Variants in RHD observed in about 807,000 individuals in gnomAD.
RHD encodes the protein blood group Rh(D) polypeptide.
Under a neutral mutation model 45.5 loss-of-function variants are expected in RHD, and 16 were observed. The observed-to-expected ratio is 0.35, with a 90% CI of 0.24 to 0.53. The LOEUF (loss-of-function observed/expected upper bound fraction) is 0.53. Among genes scored for constraint, RHD ranks in the 20% least tolerant of loss-of-function variants. The probability of loss-of-function intolerance (pLI) is 0.92; values close to 1 mark genes in which losing one functional copy is unlikely to be tolerated. For missense variants in RHD, 306 were observed against 532.0 expected (o/e 0.58, Z 4.18); for synonymous variants, 131 against 217.5 (o/e 0.60, Z 3.50).
chr1:25,306,217 G>C (rs1040443625), intron 6 of RHD, among the ~76,000 whole-genome samples: 1 of 131,620 alleles, frequency 7.6e-6, no homozygotes, highest in Admixed American at 7.4e-5. Context: ...CGTGGGGAGA[G>C]ACCAGGGATG....
chr1:25,306,748 C>T lies in RHD; in HGVS notation c.1073+19C>T, dbSNP rs1234125651. 3 of 1,374,238 alleles carry T rather than the reference C, an allele frequency of 2.2e-6. 1 individual carries two copies. The highest frequency in any genetic ancestry group is 3.1e-6 in the Non-Finnish European group (3 of 976,044). 85.1% of individuals were successfully genotyped at this position (1,374,238 alleles called of 1,614,324 possible). ...ATGGCATGTGGGTCACTGGGCTTACCCCCCATCCCCTTAACACTCCCCTCC... is the reference window on the plus strand; with the variant it reads ...ATGGCATGTGGGTCACTGGGCTTACTCCCCATCCCCTTAACACTCCCCTCC... On this transcript the variant is annotated intron_variant, in intron 7 of 9. Coordinates refer to ENST00000328664, the MANE Select transcript of RHD (RefSeq NM_016124.6).
rs1372033324 is a variant in RHD, at chr1:25,310,959, G to A, written c.1073+4230G>A. On this transcript the variant is annotated intron_variant, in intron 7 of 9. Coordinates refer to ENST00000328664, the MANE Select transcript of RHD (RefSeq NM_016124.6). Reference sequence around the variant, plus strand: ...TTGCACTCCAGCTTGGGCAACAAGAGCAAAACTCCATCTCAAAAAAAAAAA... The same window carrying A: ...TTGCACTCCAGCTTGGGCAACAAGAACAAAACTCCATCTCAAAAAAAAAAA... 2.5e-5 allele frequency among the ~76,000 whole-genome samples: 3 copies of A among 119,114 alleles called. 1 individual carries two copies. The highest frequency in any genetic ancestry group is 3.9e-5 in the Non-Finnish European group (2 of 50,918). 78.1% of individuals were successfully genotyped at this position (119,114 alleles called of 152,430 possible). A position where few individuals can be genotyped will look rare whatever the true frequency, so the allele number is the denominator to read the frequency against.
At chr1:25,285,569 C>T (rs1477685704) in intron 2 of RHD, among the ~76,000 whole-genome samples, 1 of 135,114 alleles carries the variant, frequency 7.4e-6, no homozygotes. Flanking sequence ...AGAACCATCA[C>T]AACTAATGTA....
chr1:25,284,339 C>T (rs1246993527), intron 1 of RHD, among the ~76,000 whole-genome samples: 5 of 135,824 alleles, frequency 3.7e-5, no homozygotes, highest in Admixed American at 7.1e-5. Flanking sequence ...GCCCTAAGTG[C>T]TTAATTAGCT....
chr1:25,318,067 A>G (rs1644500324), intron 8 of RHD: 1 of 131,230 alleles, frequency 7.6e-6, no homozygotes, highest in Admixed American at 7.5e-5. Context: ...TCATACCTGT[A>G]ATTGCAGCAG....
rs569650188 is a variant in RHD at position 25,296,593 on chromosome 1, C to T, written c.487-4353C>T. ...TGGGTTCTGTATCCCCCTCCAATCT[C>T]ATCTCGAATTGTAATCCCCACGTGT... On this transcript the variant is annotated intron_variant, in intron 3 of 9. Transcript: ENST00000328664. Among the ~76,000 whole-genome samples, 2 of 131,130 alleles carry T rather than the reference C, an allele frequency of 1.5e-5. 1 individual carries two copies. Among genetic ancestry groups the T allele is most frequent in the South Asian group, 4.7e-4 (2 of 4,242 alleles). The allele number at this position is 131,130 out of a possible 152,430, so 86.0% of individuals were successfully genotyped here. A position where few individuals can be genotyped will look rare whatever the true frequency, so the allele number is the denominator to read the frequency against.
In RHD at chr1:25,282,893, GA is replaced by G. The variant is rs563290618; in HGVS notation, c.149-1669del. Among the ~76,000 whole-genome samples the G allele has an allele frequency of 9.3e-4, 112 of 120,002 alleles. 26 individuals carry two copies. Among genetic ancestry groups the G allele is most frequent in the South Asian group, 1.3e-3 (5 of 3,964 alleles). The allele number at this position is 120,002 out of a possible 152,430, so 78.7% of individuals were successfully genotyped here. ...CTGGGCAACAGAGAGACTCTGTCTC[GA>G]AAAAAAAAAATTGTCTACATGCTGG... On this transcript the variant is annotated intron_variant, in intron 1 of 9. Coordinates refer to ENST00000328664, the MANE Select transcript of RHD (RefSeq NM_016124.6).
Position 25,286,254 on chromosome 1 carries a change from C to T in RHD, c.335+1495C>T, listed in dbSNP as rs1391402055. Among the ~76,000 whole-genome samples, 4 of 135,324 alleles carry T rather than the reference C, an allele frequency of 3.0e-5. 1 individual carries two copies. The highest frequency in any genetic ancestry group is 7.6e-5 in the African/African-American group (3 of 39,226). The allele number at this position is 135,324 out of a possible 152,430, so 88.8% of individuals were successfully genotyped here. ...CTGTAATCCCAGTACTTTTGGGAAC[C>T]GAGGTGGGCAGATCACTTGAGCCCA... is the stretch of plus-strand genomic sequence containing the variant. On this transcript the variant is annotated intron_variant, in intron 2 of 9. Coordinates refer to ENST00000328664, the MANE Select transcript of RHD (RefSeq NM_016124.6).
intron 2 of RHD, among the ~76,000 whole-genome samples, chr1:25,287,299 T>C (rs1642111000): frequency 7.5e-6 from 1 of 133,674 alleles, no homozygotes; most frequent in Non-Finnish European, 1.8e-5. Context: ...CCCCACAGTC[T>C]AGGGCTGCTC....
chr1:25,299,660 G>T (rs1643228161), intron 3 of RHD, among the ~76,000 whole-genome samples: 1 of 131,398 alleles, frequency 7.6e-6, no homozygotes, highest in Non-Finnish European at 1.8e-5. Flanking sequence ...GATCCTGCAG[G>T]GTCGTGGCAA....
At position 25,287,408 on chromosome 1, in the gene RHD, C is replaced by T. The variant is rs183754251; in HGVS notation, c.335+2649C>T. 3.7e-5 allele frequency among the ~76,000 whole-genome samples: 5 copies of T among 135,336 alleles called. 1 individual carries two copies. The highest frequency in any genetic ancestry group is 3.5e-4 in the Admixed American group (5 of 14,088). The allele number at this position is 135,336 out of a possible 152,430, so 88.8% of individuals were successfully genotyped here. On this transcript the variant is annotated intron_variant, in intron 2 of 9. Coordinates refer to ENST00000328664, the MANE Select transcript of RHD (RefSeq NM_016124.6). ...TCGCAGCCTGAGTGAACTCCCCTGC[C>T]CCACCCCTGACTGCTTGGATCCCCC...
rs565530259 is a variant in RHD, at chr1:25,309,773, C to T, written c.1073+3044C>T. Among the ~76,000 whole-genome samples the T allele has an allele frequency of 1.9e-3, 245 of 131,626 alleles. 26 individuals carry two copies. The highest frequency in any genetic ancestry group is 6.1e-3 in the African/African-American group (233 of 38,384). The allele number at this position is 131,626 out of a possible 152,430, so 86.4% of individuals were successfully genotyped here. ...GAACTTGCCCTCTGTGAAATAGGGA[C>T]ACTAATAGCTCACTCACAGGGCTGC... On this transcript the variant is annotated intron_variant, in intron 7 of 9. Coordinates refer to ENST00000328664, the MANE Select transcript of RHD (RefSeq NM_016124.6).
At chr1:25,288,803 ACCG>A (rs1209366650) in intron 2 of RHD, among the ~76,000 whole-genome samples, 1 of 126,628 alleles carries the variant, frequency 7.9e-6, no homozygotes, top group Non-Finnish European at 1.9e-5. Context: ...GGAATGAAAT[ACCG>A]CCGCCGGCAC....
In RHD at chr1:25,311,026, G is replaced by A. The variant is rs1234203539; in HGVS notation, c.1073+4297G>A. Reference sequence around the variant, plus strand: ...ATGGAGCATTAAAGACAGTTCTGCAGTTCTGGTGAGGGCTTAAAGGAAGAC... The same window carrying A: ...ATGGAGCATTAAAGACAGTTCTGCAATTCTGGTGAGGGCTTAAAGGAAGAC... On this transcript the variant is annotated intron_variant, in intron 7 of 9. Transcript: ENST00000328664. Among the ~76,000 whole-genome samples, 8 of 130,442 alleles carry A rather than the reference G, an allele frequency of 6.1e-5. 2 individuals are homozygous for A. The highest frequency in any genetic ancestry group is 4.2e-3 in the Middle Eastern group (1 of 240). 85.6% of individuals were successfully genotyped at this position (130,442 alleles called of 152,430 possible).
intron 3 of RHD, among the ~76,000 whole-genome samples, chr1:25,293,288 T>C (rs1642666947): frequency 1.6e-5 from 2 of 128,434 alleles, no homozygotes; most frequent in African/African-American, 5.3e-5. Context: ...AGCCTTTGAG[T>C]TGGAAAGCAG....
rs1382382148 is a variant in RHD at position 25,281,528 on chromosome 1, A to G, written c.149-3045A>G. ...TCTGAAGTGGGGCATGCAGTCTCCA[A>G]CTGAACACAAGCCTCACTGCTCCCG... On this transcript the variant is annotated intron_variant, in intron 1 of 9. Coordinates refer to ENST00000328664, the MANE Select transcript of RHD (RefSeq NM_016124.6). Among the ~76,000 whole-genome samples the G allele has an allele frequency of 3.0e-5, 4 of 132,006 alleles. 1 individual carries two copies. The highest frequency in any genetic ancestry group is 5.4e-5 in the Non-Finnish European group (3 of 55,830). The allele number at this position is 132,006 out of a possible 152,430, so 86.6% of individuals were successfully genotyped here.
Position 25,281,107 on chromosome 1 carries a change from A to G in RHD, c.149-3466A>G, listed in dbSNP as rs540352524. Among the ~76,000 whole-genome samples the G allele has an allele frequency of 7.0e-4, 93 of 132,742 alleles. 7 individuals are homozygous for G. The highest frequency in any genetic ancestry group is 1.7e-3 in the African/African-American group (65 of 38,728). The allele number at this position is 132,742 out of a possible 152,430, so 87.1% of individuals were successfully genotyped here. Reference sequence around the variant, plus strand: ...GAGGGTAATGGACTTGCCTAAGATCACTTAGTGAGGTGAGAGAAGAAAGAG... The same window carrying G: ...GAGGGTAATGGACTTGCCTAAGATCGCTTAGTGAGGTGAGAGAAGAAAGAG... On this transcript the variant is annotated intron_variant, in intron 1 of 9. Transcript: ENST00000328664.
intron 7 of RHD, among the ~76,000 whole-genome samples, chr1:25,307,271 C>T (rs658452): frequency 0.011 from 1,450 of 131,530 alleles, 231 homozygotes; most frequent in African/African-American, 0.036. Context: ...GGTCTCACTG[C>T]GAGGTGGGAA....
chr1:25,300,382 C>T (rs1391590486), intron 3 of RHD, among the ~76,000 whole-genome samples: 1 of 130,406 alleles, frequency 7.7e-6, no homozygotes. Context: ...CATGGTTGTA[C>T]ATTCCTGTAA....
Sources: allele counts gnomAD v4.1 joint callset (sites outside exome capture counted in the v4.1 genomes callset), GRCh38; gene constraint gnomAD v4.1.1; transcripts MANE v1.5; gene names NCBI Gene and HGNC (gene_info 2026-07-23, HGNC 2026-07-21).